LONRF1: variants seen among roughly 807,000 people sequenced by gnomAD.
LONRF1 encodes the protein LON peptidase N-terminal domain and RING finger protein 1.
In LONRF1, 37 loss-of-function variants were observed where a neutral mutation model predicts 85.8. The ratio of observed to expected loss-of-function variants is 0.43; its 90% CI spans 0.33 to 0.57. The LOEUF is 0.57. Among genes scored for constraint, LONRF1 ranks in the 20% least tolerant of loss-of-function variants. The pLI is 0.04. For synonymous variants in LONRF1, 517 were observed against 390.1 expected, an observed-to-expected ratio of 1.33 and a Z score of -3.83; for missense variants, 1,036 against 978.0, an observed-to-expected ratio of 1.06 and a Z score of -0.79.
rs1798273124 is a variant in LONRF1, at chr8:12,725,750, G to A, written c.2140C>T (p.Pro714Ser). The A allele has an allele frequency of 6.2e-7, 1 of 1,612,928 alleles. No individual in the cohort carries two copies. Residue 714 changes from proline to serine, a missense_variant, in exon 11 of 12, where the codon CCC becomes TCC. Transcript: ENST00000398246. ...ACCTGAAGGTTTTCCTCCCTCTCGG[G>A]CATTGATCCGAAATGCTGAAGAATT... ...SQILQHFGSM[P>S]EREENLQAAP...
At chr8:12,730,874 T>A (rs1303434214) in intron 8 of LONRF1, among the ~76,000 whole-genome samples, 1 of 152,164 alleles carries the variant, frequency 6.6e-6, no homozygotes. Flanking sequence ...GAAAGTGACA[T>A]ACAAAATGTT....
In LONRF1 at chr8:12,736,795, T is replaced by C; in HGVS notation, c.1357A>G (p.Thr453Ala). The C allele has an allele frequency of 6.2e-7, 1 of 1,602,384 alleles. No homozygotes were observed. Among genetic ancestry groups the C allele is most frequent in the Non-Finnish European group, 8.5e-7 (1 of 1,175,486 alleles). The change falls in exon 6 of 12, where the codon ACT becomes GCT. Residue 453 changes from threonine (T) to alanine (A), a missense_variant and splice_region_variant. Transcript: ENST00000398246. ...GAAAACATACAGACTTCATTGGGAG[T>C]TTCTATTAAAACAAAGACATGGGGT... ...GRNKLKKQGETPNEVCMFSLA... is the reference protein window; with the variant it reads ...GRNKLKKQGEAPNEVCMFSLA...
intron 1 of LONRF1, among the ~76,000 whole-genome samples, chr8:12,751,825 G>A (rs936229424): frequency 6.6e-6 from 1 of 152,012 alleles, no homozygotes; most frequent in Non-Finnish European, 1.5e-5. Flanking sequence ...GCATGGCTTA[G>A]GGGGATCATT....
At chr8:12,740,032 G>C (rs1173530654) in intron 3 of LONRF1, among the ~76,000 whole-genome samples, 1 of 152,104 alleles carries the variant, frequency 6.6e-6, no homozygotes, top group Non-Finnish European at 1.5e-5. Flanking sequence ...TCCAATTTTA[G>C]AGATTCTGAA....
chr8:12,723,322 C>G, intron 11 of LONRF1, 68 bp from the exon 12 acceptor site: 1 of 1,426,522 alleles, frequency 7.0e-7, no homozygotes, highest in Non-Finnish European at 9.5e-7. Flanking sequence ...AGCAAACCAC[C>G]AAAAAATTAC....
At position 12,735,561 on chromosome 8, in the gene LONRF1, C is replaced by A. The variant is rs1315815488; in HGVS notation, c.1452-161G>T. On this transcript the variant is annotated intron_variant, in intron 6 of 11. Coordinates refer to ENST00000398246, the MANE Select transcript of LONRF1 (RefSeq NM_152271.5). The stretch of plus-strand genomic sequence containing the variant: ...AGGGCAGTGATAAGTGTAACCATAC[C>A]CTCCAGAATGTTTTAAAATTCTCCA... The A allele has an allele frequency of 8.1e-5, 47 of 577,824 alleles. No individual in the cohort carries two copies. In the East Asian group the frequency reaches 1.3e-3, roughly 16 times the overall value. The allele number at this position is 577,824 out of a possible 1,614,324, so 35.8% of individuals were successfully genotyped here. A position where few individuals can be genotyped will look rare whatever the true frequency, so the allele number is the denominator to read the frequency against.
chr8:12,747,652 G>T (rs1799215652), intron 1 of LONRF1, among the ~76,000 whole-genome samples: 1 of 152,074 alleles, frequency 6.6e-6, no homozygotes, highest in Non-Finnish European at 1.5e-5. Context: ...CAGAAATAAG[G>T]GACAAAAAGT....
At chr8:12,735,833 C>G (rs1798696597) in intron 6 of LONRF1, among the ~76,000 whole-genome samples, 1 of 152,086 alleles carries the variant, frequency 6.6e-6, no homozygotes, top group South Asian at 2.1e-4. Context: ...TTAATATCAA[C>G]TTAAAAATGA....
intron 3 of LONRF1, 103 bp downstream of exon 3, chr8:12,740,771 A>G: frequency 1.4e-6 from 2 of 1,388,714 alleles, no homozygotes; most frequent in Non-Finnish European, 1.9e-6. Flanking sequence ...AGTTAGATTT[A>G]TTTACTACTT....
Position 12,751,310 on chromosome 8 carries a change from T to TGTTTTTTTTTTTTTG in LONRF1, c.721+3389_721+3390insCAAAAAAAAAAAAAC, listed in dbSNP as rs1554469322. ...TTTATTTTTATGTTTTTTTTTTTTT[T>TGTTTTTTTTTTTTTG]TTTTTTTTTTGAGACTGAGTCTTGC... On this transcript the variant is annotated intron_variant, in intron 1 of 11. Transcript: ENST00000398246. Among the ~76,000 whole-genome samples, 12 of 132,148 alleles carry TGTTTTTTTTTTTTTG rather than the reference T, an allele frequency of 9.1e-5. 1 individual carries two copies. The highest frequency in any genetic ancestry group is 2.5e-4 in the South Asian group (1 of 3,950). 86.7% of individuals were successfully genotyped at this position (132,148 alleles called of 152,430 possible). A position where few individuals can be genotyped will look rare whatever the true frequency, so the allele number is the denominator to read the frequency against.
chr8:12,731,802 T>C lies in LONRF1; in HGVS notation c.1622A>G (p.Lys541Arg). The change falls in exon 8 of 12, where the codon AAG (lysine) becomes AGG (arginine). Residue 541 changes from lysine (K) to arginine (R), a missense_variant. Coordinates refer to ENST00000398246, the MANE Select transcript of LONRF1 (RefSeq NM_152271.5). ...CTCAGACAGTTCATCAGGCAGATAC[T>C]TCACTATTAATTCTTCCAACAGCTG... ...VTQLLEELIV[K>R]YLPDELSERK... is the part of the protein sequence containing the mutation. The C allele has an allele frequency of 2.5e-6, 4 of 1,612,558 alleles. No individual in the cohort carries two copies. Among genetic ancestry groups the C allele is most frequent in the Non-Finnish European group, 3.4e-6 (4 of 1,178,704 alleles).
intron 8 of LONRF1, among the ~76,000 whole-genome samples, chr8:12,729,610 A>C (rs1275754415): frequency 6.6e-6 from 1 of 152,166 alleles, no homozygotes; most frequent in Admixed American, 6.6e-5. Flanking sequence ...TACAGAGCTA[A>C]GTATGTTTAT....
chr8:12,742,985 C>G (rs1798998927), intron 2 of LONRF1, among the ~76,000 whole-genome samples, 179 bp downstream of exon 2: 1 of 152,146 alleles, frequency 6.6e-6, no homozygotes, highest in South Asian at 2.1e-4. Context: ...CTCAGCGTCC[C>G]AAATTGCTAG....
At position 12,735,319 on chromosome 8, in the gene LONRF1, T is replaced by C. The variant is rs769561478; in HGVS notation, c.1533A>G (p.Pro511=). Residue 511 remains proline, a synonymous_variant, in exon 7 of 12, where the codon CCA becomes CCG. Coordinates refer to ENST00000398246, the MANE Select transcript of LONRF1 (RefSeq NM_152271.5). The stretch of plus-strand genomic sequence containing the variant: ...AGCTTTCTTTGCAAAGAGGACAATA[T>C]GGTGCATGATCTAAACAACGCTCAA... The part of the protein sequence containing the change: ...NCLERCLDHA[P]YCPLCKESLK... The C allele has an allele frequency of 8.1e-6, 13 of 1,607,062 alleles. No individual in the cohort carries two copies. The highest frequency in any genetic ancestry group is 3.3e-5 in the South Asian group (3 of 90,174).
intron 11 of LONRF1, among the ~76,000 whole-genome samples, 186 bp downstream of exon 11, chr8:12,725,541 C>T (rs539517368): frequency 1.3e-5 from 2 of 152,220 alleles, no homozygotes; most frequent in South Asian, 2.1e-4. Context: ...TCTATCTGTA[C>T]GGAATGTAGT....
intron 1 of LONRF1, among the ~76,000 whole-genome samples, chr8:12,751,294 A>ATGTGTTTTTTTTGTT (rs1799377335): frequency 5.4e-4 from 46 of 84,796 alleles, no homozygotes; most frequent in Admixed American, 1.5e-3. Flanking sequence ...TTTTATTTTT[A>ATGTGTTTTTTTTGTT]TGTTTTTTTT....
Position 12,738,135 on chromosome 8 carries a change from C to T in LONRF1, c.973G>A (p.Asp325Asn). 6.5e-7 allele frequency: 1 copy of T among 1,544,922 alleles called. No individual in the cohort carries two copies. Among genetic ancestry groups the T allele is most frequent in the Non-Finnish European group, 8.8e-7 (1 of 1,136,084 alleles). The change falls in exon 4 of 12, where the codon GAT becomes AAT. Residue 325 changes from aspartate (D) to asparagine (N), a missense_variant. Transcript: ENST00000398246. ...TTTAAGTTTTCAGGTAATAATAAAT[C>T]ACATAAAATCTGTAAGAGAAATATT... ...AKLQVQKILCDLLLPENLKEG... is the reference protein window; with the variant it reads ...AKLQVQKILCNLLLPENLKEG...
intron 1 of LONRF1, chr8:12,752,924 G>A (rs1025803722): frequency 6.6e-6 from 1 of 152,202 alleles, no homozygotes; most frequent in Non-Finnish European, 1.5e-5. Context: ...CCAACGTTTA[G>A]GAGAAGCGGA....
chr8:12,723,917 G>C (rs1806039932), intron 11 of LONRF1, among the ~76,000 whole-genome samples: 1 of 152,166 alleles, frequency 6.6e-6, no homozygotes, highest in Non-Finnish European at 1.5e-5. Flanking sequence ...ATGCTGTGAG[G>C]GCTGACTATT....
Sources: allele counts gnomAD v4.1 joint callset (sites outside exome capture counted in the v4.1 genomes callset), GRCh38; gene constraint gnomAD v4.1.1; transcripts MANE v1.5; gene names NCBI Gene and HGNC (gene_info 2026-07-23, HGNC 2026-07-21).